Variants in ADGRV1 observed in about 807,000 individuals in gnomAD.
ADGRV1 encodes adhesion G protein-coupled receptor V1, also known as G-protein coupled receptor 98.
A neutral mutation model predicts 596.2 loss-of-function variants in ADGRV1; 359 were observed. That is an observed-to-expected ratio of 0.60 (90% CI 0.55 to 0.66). The LOEUF (loss-of-function observed/expected upper bound fraction) is 0.66, where lower values mean the gene tolerates loss of function less well. ADGRV1 is among the 30% of genes least tolerant of loss of function. The pLI is 0.00. For synonymous variants in ADGRV1, 2,681 were observed against 2,679.2 expected (o/e 1.00, Z -0.02); for missense variants, 7,274 against 7,575.6 (o/e 0.96, Z 1.48).
Position 90,788,177 on chromosome 5 carries a change from G to T in ADGRV1, c.13760G>T (p.Gly4587Val). The change falls in exon 68 of 90, where the codon GGA becomes GTA. Residue 4587 changes from glycine (G) to valine (V), a missense_variant. This residue lies in a region of ADGRV1 where 3,643 missense variants were observed against 3,809.2 expected (regional missense o/e 0.96). Coordinates refer to ENST00000405460, the MANE Select transcript of ADGRV1 (RefSeq NM_032119.4). ...SGLFYFGEGE[G>V]GVRTIILTIY... ...TTGTTCTATTTTGGAGAAGGAGAAG[G>T]AGGAGTGAGAACCATAATTCTGACA... 1 of 1,613,872 alleles carries T rather than the reference G, an allele frequency of 6.2e-7. No homozygotes were observed. Among genetic ancestry groups the T allele is most frequent in the Non-Finnish European group, 8.5e-7 (1 of 1,179,804 alleles).
At chr5:90,681,972 T>A (rs2149577388) in intron 27 of ADGRV1, among the ~76,000 whole-genome samples, 1 of 152,086 alleles carries the variant, frequency 6.6e-6, no homozygotes, top group Admixed American at 6.6e-5. Context: ...GTTCAAGCGA[T>A]TCTCCTGCTT....
intron 4 of ADGRV1, among the ~76,000 whole-genome samples, chr5:90,619,742 C>A: frequency 8.3e-6 from 1 of 120,184 alleles, no homozygotes; most frequent in Non-Finnish European, 1.7e-5. Flanking sequence ...CTAATGCTAT[C>A]CCTCCCCCCT....
chr5:91,108,296 G>C (rs909481457), intron 87 of ADGRV1, among the ~76,000 whole-genome samples: 2 of 152,010 alleles, frequency 1.3e-5, no homozygotes, highest in Admixed American at 6.6e-5. Context: ...ATAAACACTT[G>C]TTTGTTTTTT....
intron 85 of ADGRV1, among the ~76,000 whole-genome samples, chr5:91,040,571 G>A (rs1411992763): frequency 8.5e-5 from 13 of 152,116 alleles, no homozygotes; most frequent in Admixed American, 7.9e-4. Flanking sequence ...CAAATATTAC[G>A]TTTATATTAG....
intron 85 of ADGRV1, among the ~76,000 whole-genome samples, chr5:91,049,469 T>C (rs1476015734): frequency 6.6e-6 from 1 of 152,224 alleles, no homozygotes; most frequent in Non-Finnish European, 1.5e-5. Context: ...TTCCATATGG[T>C]GATCTACTTG....
intron 16 of ADGRV1, 81 bp downstream of exon 16, chr5:90,646,172 ACATT>A: frequency 9.6e-5 from 89 of 931,790 alleles, no homozygotes; most frequent in Non-Finnish European, 1.1e-4. Flanking sequence ...GTGCATATAT[ACATT>A]TATATGCACG....
Position 90,847,496 on chromosome 5 carries a change from C to G in ADGRV1, c.17020-1141C>G, listed in dbSNP as rs369578996. On this transcript the variant is annotated intron_variant, in intron 78 of 89. Coordinates refer to ENST00000405460, the MANE Select transcript of ADGRV1 (RefSeq NM_032119.4). Reference sequence around the variant, plus strand: ...CAGGGCTGCAGGTGGAGCTGCCTGCCAGTCCTGCGCTGTGTGCCCACACTC... The same window carrying G: ...CAGGGCTGCAGGTGGAGCTGCCTGCGAGTCCTGCGCTGTGTGCCCACACTC... Among the ~76,000 whole-genome samples the G allele has an allele frequency of 9.2e-5, 14 of 152,362 alleles. No homozygotes were observed. The East Asian group carries it at 2.5e-3, about 27-fold the overall frequency.
chr5:90,859,159 C>A (rs377355836), intron 82 of ADGRV1, among the ~76,000 whole-genome samples: 1 of 152,014 alleles, frequency 6.6e-6, no homozygotes, highest in Non-Finnish European at 1.5e-5. Context: ...GGCAAGTGGG[C>A]GCAGGAGTTC....
intron 25 of ADGRV1, among the ~76,000 whole-genome samples, chr5:90,678,889 A>G (rs1744585369): frequency 6.6e-6 from 1 of 152,034 alleles, no homozygotes; most frequent in South Asian, 2.1e-4. Flanking sequence ...TAGCAACAAC[A>G]TTTCTATAAT....
chr5:91,092,579 T>C (rs1582032139), intron 86 of ADGRV1: 1 of 152,102 alleles, frequency 6.6e-6, no homozygotes, highest in Admixed American at 6.6e-5. Flanking sequence ...GGTATATATA[T>C]AAAAAACTTA....
intron 85 of ADGRV1, among the ~76,000 whole-genome samples, chr5:91,000,709 T>TGTGTGTGTGTGTG (rs1581753755): frequency 1.6e-4 from 23 of 147,826 alleles, no homozygotes; most frequent in Admixed American, 6.1e-4. Context: ...TGTGTGTGTG[T>TGTGTGTGTGTGTG]TTATAGACAT....
At chr5:90,959,363 A>G (rs937246166) in intron 83 of ADGRV1, among the ~76,000 whole-genome samples, 4 of 152,128 alleles carry the variant, frequency 2.6e-5, no homozygotes, top group Non-Finnish European at 4.4e-5. Flanking sequence ...AAATAAATGG[A>G]GAAAGACACT....
chr5:90,628,555 A>T lies in ADGRV1; in HGVS notation c.1239-7A>T. On this transcript the variant is annotated splice_region_variant and splice_polypyrimidine_tract_variant and intron_variant, in intron 7 of 89. Coordinates refer to ENST00000405460, the MANE Select transcript of ADGRV1 (RefSeq NM_032119.4). Reference sequence around the variant, plus strand: ...TGACAATATGTATTTCTTTTAAAACATTTAAGATATGAAGAAATCACAGTG... The same window carrying T: ...TGACAATATGTATTTCTTTTAAAACTTTTAAGATATGAAGAAATCACAGTG... The T allele has an allele frequency of 6.2e-7, 1 of 1,611,404 alleles. No individual in the cohort carries two copies. The highest frequency in any genetic ancestry group is 8.5e-7 in the Non-Finnish European group (1 of 1,177,742).
rs142956927 is a variant in ADGRV1, at chr5:90,899,528, C to T, written c.17856+35671C>T. ...AGTCTGCCTCTTCCTGTACCAGAAC[C>T]GCGTTCCAGATTGTTTCCCAGGGTC... On this transcript the variant is annotated intron_variant, in intron 83 of 89. Transcript: ENST00000405460. Among the ~76,000 whole-genome samples, 16 of 152,280 alleles carry T rather than the reference C, an allele frequency of 1.1e-4. No individual in the cohort carries two copies. In the East Asian group the frequency reaches 2.7e-3, roughly 26 times the overall value.
chr5:91,066,610 A>G (rs375121289), intron 85 of ADGRV1, among the ~76,000 whole-genome samples: 3 of 152,204 alleles, frequency 2.0e-5, no homozygotes, highest in African/African-American at 7.2e-5. Flanking sequence ...GGGGATGTGG[A>G]ATCATAGCTG....
chr5:90,847,795 C>T (rs373630048), intron 78 of ADGRV1, among the ~76,000 whole-genome samples: 1 of 152,224 alleles, frequency 6.6e-6, no homozygotes, highest in Non-Finnish European at 1.5e-5. Flanking sequence ...CACGCCCACC[C>T]GGAACTCGCG....
Position 90,696,934 on chromosome 5 carries a change from T to C in ADGRV1, c.7946-3T>C. ...GGTTTTTATTCCATTGATGTTTTTA[T>C]AGGTGAAACCAAAAAGACAGTCATT... On this transcript the variant is annotated splice_polypyrimidine_tract_variant and splice_region_variant and intron_variant, in intron 33 of 89. Coordinates refer to ENST00000405460, the MANE Select transcript of ADGRV1 (RefSeq NM_032119.4). The C allele has an allele frequency of 6.2e-7, 1 of 1,607,010 alleles. No individual in the cohort carries two copies. The highest frequency in any genetic ancestry group is 8.5e-7 in the Non-Finnish European group (1 of 1,175,056).
chr5:91,096,252 C>A (rs1271543311), intron 86 of ADGRV1, among the ~76,000 whole-genome samples: 1 of 152,176 alleles, frequency 6.6e-6, no homozygotes, highest in Non-Finnish European at 1.5e-5. Flanking sequence ...ATAATAAAGC[C>A]ATTATTGTTG....
In ADGRV1 at chr5:90,694,481, T is replaced by G; in HGVS notation, c.7725T>G (p.Asp2575Glu). 11 of 1,613,972 alleles carry G rather than the reference T, an allele frequency of 6.8e-6. No individual in the cohort carries two copies. The highest frequency in any genetic ancestry group is 9.3e-6 in the Non-Finnish European group (11 of 1,179,846). Residue 2575 changes from aspartate to glutamate, a missense_variant, in exon 33 of 90, where the codon GAT (aspartate) becomes GAG (glutamate). Transcript: ENST00000405460. ...ISTVVIALNG[D>E]AFGVFVIYNI... ...CAGTTGTCATAGCACTAAATGGTGA[T>G]GCCTTTGGAGTGTTTGTGATCTACA...
Sources: gnomAD v4.1 joint callset for allele counts (sites outside exome capture counted in the v4.1 genomes callset) on GRCh38, gnomAD v4.1.1 for gene constraint, gnomAD v4.1.1 regional missense constraint, MANE v1.5 for transcripts, NCBI Gene and HGNC (gene_info 2026-07-23, HGNC 2026-07-21) for gene names.